Variants in SALL4 observed in about 807,000 individuals in gnomAD.
SALL4 encodes spalt like transcription factor 4.
SALL4 carries 4 observed loss-of-function variants against 60.8 expected under a neutral mutation model. That is an observed-to-expected ratio of 0.07 (90% confidence interval 0.03 to 0.15). SALL4 has a LOEUF of 0.15. Ranked by LOEUF, SALL4 falls within the 10% of genes least tolerant of loss-of-function variation. The pLI is 1.00. For synonymous variants in SALL4, 580 were observed against 574.9 expected, an observed-to-expected ratio of 1.01 and a Z score of -0.13; for missense variants, 1,178 against 1,394.7, an observed-to-expected ratio of 0.84 and a Z score of 2.48.
rs1568865869 is a variant in SALL4, at chr20:51,792,007, G to C, written c.476C>G (p.Thr159Arg). The change falls in exon 2 of 4, where the codon ACA (threonine) becomes AGA (arginine). Residue 159 changes from threonine (T) to arginine (R), a missense_variant. This residue lies in a region of SALL4 where 853 missense variants were observed against 1,036.8 expected (regional missense o/e 0.82). Transcript: ENST00000217086. ...GTCCTGGGGGGTGGGTGGCAGGGCT[G>C]TCTCTGTCTTTAGGTACACCACAGA... ...AESVVYLKTE[T>R]ALPPTPQDIS... The C allele has an allele frequency of 3.1e-6, 5 of 1,614,146 alleles. No homozygotes were observed. The highest frequency in any genetic ancestry group is 1.3e-5 in the African/African-American group (1 of 75,048).
chr20:51,795,188 A>G (rs1428451385), intron 1 of SALL4, among the ~76,000 whole-genome samples: 2 of 152,140 alleles, frequency 1.3e-5, no homozygotes, highest in African/African-American at 2.4e-5. Flanking sequence ...ACGGTGGCTC[A>G]CAAGGTCAGG....
In SALL4 at chr20:51,801,921, G is replaced by A. The variant is rs544215947; in HGVS notation, c.130+358C>T. Among the ~76,000 whole-genome samples, 1 of 80,520 alleles carries A rather than the reference G, an allele frequency of 1.2e-5. No homozygotes were observed. Among genetic ancestry groups the A allele is most frequent in the East Asian group, 6.2e-4 (1 of 1,624 alleles). The allele number at this position is 80,520 out of a possible 152,430, so 52.8% of individuals were successfully genotyped here. ...GAGGGAGGGGGACCTAAGTTACAAG[G>A]GGGGGGGGTAACACCAGTGAGGGGA... On this transcript the variant is annotated intron_variant, in intron 1 of 3. Coordinates refer to ENST00000217086, the MANE Select transcript of SALL4 (RefSeq NM_020436.5). This position sits in a 1 kb window ranked among gnomAD's most constrained non-coding sequence, Gnocchi z 5.2.
chr20:51,788,457 G>A lies in SALL4; in HGVS notation c.2742+404C>T, dbSNP rs551910447. 1.8e-4 allele frequency among the ~76,000 whole-genome samples: 27 copies of A among 152,148 alleles called. No individual in the cohort carries two copies. The highest frequency in any genetic ancestry group is 3.9e-4 in the Admixed American group (6 of 15,272). On this transcript the variant is annotated intron_variant, in intron 3 of 3. Transcript: ENST00000217086. This position sits in a 1 kb window ranked among gnomAD's most constrained non-coding sequence, Gnocchi z 4.1. ...TGTAATCCCAGCACTTTGGGAGGCC[G>A]AGGCAGGCGGATCACGAGATCAGGA...
intron 1 of SALL4, among the ~76,000 whole-genome samples, chr20:51,799,424 A>G (rs1459423962): frequency 6.6e-6 from 1 of 152,220 alleles, no homozygotes; most frequent in Non-Finnish European, 1.5e-5. Context: ...AAAAAAGGAA[A>G]TGCTAACTGC....
At position 51,792,150 on chromosome 20, in the gene SALL4, A is replaced by G; in HGVS notation, c.333T>C (p.Pro111=). The G allele has an allele frequency of 6.2e-7, 1 of 1,614,154 alleles. No individual in the cohort carries two copies. Among genetic ancestry groups the G allele is most frequent in the South Asian group, 1.1e-5 (1 of 91,082 alleles). Residue 111 remains proline (P), a synonymous_variant, in exon 2 of 4, where the codon CCT becomes CCC. Coordinates refer to ENST00000217086, the MANE Select transcript of SALL4 (RefSeq NM_020436.5). ...GTACAGCTCCGGAGAAGTCTTCTGAAGGCACAGGCCCCTCGCTGTCATTCA... is the reference window on the plus strand; with the variant it reads ...GTACAGCTCCGGAGAAGTCTTCTGAGGGCACAGGCCCCTCGCTGTCATTCA... ...LIMNDSEGPV[P]SEDFSGAVLS...
intron 1 of SALL4, among the ~76,000 whole-genome samples, chr20:51,800,934 C>G (rs554479355): frequency 2.4e-4 from 37 of 152,342 alleles, no homozygotes; most frequent in Non-Finnish European, 4.7e-4. Flanking sequence ...TACATTCAGT[C>G]TCCGACAAAA....
At chr20:51,798,875 CAAAA>C (rs890839143) in intron 1 of SALL4, among the ~76,000 whole-genome samples, 2 of 146,784 alleles carry the variant, frequency 1.4e-5, no homozygotes, top group Non-Finnish European at 3.0e-5. Context: ...CAAAACAAAA[CAAAA>C]AAAACAGTTC....
At position 51,791,733 on chromosome 20, in the gene SALL4, G is replaced by T; in HGVS notation, c.750C>A (p.Ser250Arg). 1 of 1,614,130 alleles carries T rather than the reference G, an allele frequency of 6.2e-7. No individual in the cohort carries two copies. The highest frequency in any genetic ancestry group is 8.5e-7 in the Non-Finnish European group (1 of 1,180,050). Reference sequence around the variant, plus strand: ...TCTTCAGAGTGTCGGCCCCTGCCCCGCTTGAGTGGAGGGCGTGGGAGGCCC... The same window carrying T: ...TCTTCAGAGTGTCGGCCCCTGCCCCTCTTGAGTGGAGGGCGTGGGAGGCCC... ...NMWASHALHS[S>R]GAGADTLKTL... Residue 250 changes from serine (S) to arginine (R), a missense_variant, in exon 2 of 4, where the codon AGC becomes AGA. Physicochemically the swap from Ser to Arg is moderately radical, Grantham distance 110. Around this residue, in one of 5 missense-constraint regions of SALL4, gnomAD observed 853 missense variants for 1,036.8 expected, o/e 0.82. Transcript: ENST00000217086. The surrounding 1 kb of genome is among the most constrained non-coding windows in gnomAD (Gnocchi z 4.6).
rs768952911 is a variant in SALL4 at position 51,802,289 on chromosome 20, C to G, written c.120G>C (p.Ala40=). The G allele has an allele frequency of 1.9e-6, 3 of 1,604,432 alleles. No homozygotes were observed. Among genetic ancestry groups the G allele is most frequent in the African/African-American group, 1.3e-5 (1 of 74,744 alleles). ...CCCAGCCCCACTCACCCAGCTCCCC[C>G]GCCGCGGGCGCCGCTGGGGCCGCAT... ...FADAAPAAPA[A]GELGAPVNHP... Residue 40 remains alanine, a synonymous_variant, in exon 1 of 4, where the codon GCG becomes GCC. Transcript: ENST00000217086.
Position 51,792,270 on chromosome 20 carries a change from C to A in SALL4, c.213G>T (p.Thr71=). ...ATVKRLRREE[T]HVCEKCCAEF... is the part of the protein sequence containing the mutation. ...CCGCACAGCATTTCTCACAGACGTG[C>A]GTCTCCTCCCGACGAAGCCGCTTTA... The change falls in exon 2 of 4, where the codon ACG becomes ACT. Residue 71 remains threonine, a synonymous_variant. Coordinates refer to ENST00000217086, the MANE Select transcript of SALL4 (RefSeq NM_020436.5). 9 of 1,612,908 alleles carry A rather than the reference C, an allele frequency of 5.6e-6. No homozygotes were observed. The highest frequency in any genetic ancestry group is 7.6e-6 in the Non-Finnish European group (9 of 1,180,022).
In SALL4 at chr20:51,792,798, T is replaced by C. The variant is rs567446423; in HGVS notation, c.131-446A>G. On this transcript the variant is annotated intron_variant, in intron 1 of 3. Coordinates refer to ENST00000217086, the MANE Select transcript of SALL4 (RefSeq NM_020436.5). ...CAGCCTACACATTGCAACTCCGAAC[T>C]TGGGACTGTGTTTTAGCCAGATGCT... is the stretch of plus-strand genomic sequence containing the variant. The C allele has an allele frequency of 6.6e-5, 70 of 1,057,944 alleles. No individual in the cohort carries two copies. In the African/African-American group the frequency reaches 1.1e-3, roughly 17 times the overall value. 65.5% of individuals were successfully genotyped at this position (1,057,944 alleles called of 1,614,324 possible).
At chr20:51,799,074 G>A (rs6021445) in intron 1 of SALL4, among the ~76,000 whole-genome samples, 6 of 152,160 alleles carry the variant, frequency 3.9e-5, no homozygotes, top group East Asian at 1.9e-4. Context: ...GTGTCTGGCA[G>A]GCAGCACACT....
In SALL4 at chr20:51,792,249, A is replaced by T; in HGVS notation, c.234T>A (p.Cys78Ter). The T allele has an allele frequency of 6.2e-7, 1 of 1,613,970 alleles. No homozygotes were observed. Among genetic ancestry groups the T allele is most frequent in the Non-Finnish European group, 8.5e-7 (1 of 1,180,038 alleles). ...REETHVCEKC[C>*]AEFFSISEFL... ...ACTCAGAGATGCTGAAGAACTCCGC[A>T]CAGCATTTCTCACAGACGTGCGTCT... The change falls in exon 2 of 4, where the codon TGT becomes TGA. Residue 78 changes from cysteine to a stop codon, truncating the protein, a stop_gained. Coordinates refer to ENST00000217086, the MANE Select transcript of SALL4 (RefSeq NM_020436.5). LOFTEE classifies it high-confidence loss of function.
At chr20:51,792,507 G>A (rs890942204) in intron 1 of SALL4, among the ~76,000 whole-genome samples, 155 bp from the exon 2 acceptor site, 1 of 151,784 alleles carries the variant, frequency 6.6e-6, no homozygotes, top group African/African-American at 2.4e-5. Context: ...TGGCCAACAT[G>A]GTGAGACCCT....
rs2077963925 is a variant in SALL4 at position 51,782,828 on chromosome 20, A to T, written c.*1437T>A. 6.6e-6 allele frequency: 1 copy of T among 152,114 alleles called. No individual in the cohort carries two copies. 9.4% of individuals were successfully genotyped at this position (152,114 alleles called of 1,614,324 possible). A position where few individuals can be genotyped will look rare whatever the true frequency, so the allele number is the denominator to read the frequency against. On this transcript the variant is annotated 3_prime_UTR_variant, in exon 4 of 4. Transcript: ENST00000217086. Reference sequence around the variant, plus strand: ...TGAACGTTCACCTCTTCCCACCAATACATCAACTCTTAGGCTTTAGACAGG... The same window carrying T: ...TGAACGTTCACCTCTTCCCACCAATTCATCAACTCTTAGGCTTTAGACAGG...
intron 1 of SALL4, chr20:51,792,975 G>A: frequency 1.0e-6 from 1 of 991,026 alleles, no homozygotes; most frequent in Non-Finnish European, 1.2e-6. Flanking sequence ...CAGCAGCTAA[G>A]CCTATAAATC....
intron 1 of SALL4, among the ~76,000 whole-genome samples, chr20:51,796,872 C>T (rs889978573): frequency 3.3e-5 from 5 of 152,028 alleles, no homozygotes; most frequent in Non-Finnish European, 7.4e-5. Context: ...ATATCACAAA[C>T]ATATTATATA....
At chr20:51,799,549 G>A (rs2122979479) in intron 1 of SALL4, among the ~76,000 whole-genome samples, 1 of 152,338 alleles carries the variant, frequency 6.6e-6, no homozygotes, top group South Asian at 2.1e-4. Context: ...TTCAACAAAA[G>A]GAGCTGTTTG....
rs2078023177 is a variant in SALL4 at position 51,790,048 on chromosome 20, G to A, written c.2435C>T (p.Ser812Phe). 1 of 1,614,114 alleles carries A rather than the reference G, an allele frequency of 6.2e-7. No homozygotes were observed. The highest frequency in any genetic ancestry group is 1.3e-5 in the African/African-American group (1 of 75,018). The stretch of plus-strand genomic sequence containing the variant: ...TTCCATCTCAGTGCGGCTGTTCTCG[G>A]AGCTCTCTGCTTTGCTCCCAGCATC... ...SPDAGSKAES[S>F]ENSRTEMEGR... The change falls in exon 2 of 4, where the codon TCC (serine) becomes TTC (phenylalanine). Residue 812 changes from serine (S) to phenylalanine (F), a missense_variant. Physicochemically the swap from Ser to Phe is radical, Grantham distance 155 (BLOSUM62 -2). Coordinates refer to ENST00000217086, the MANE Select transcript of SALL4 (RefSeq NM_020436.5). The surrounding 1 kb of genome is among the most constrained non-coding windows in gnomAD (Gnocchi z 5.5).
Sources: allele counts gnomAD v4.1 joint callset (sites outside exome capture counted in the v4.1 genomes callset), GRCh38; gene constraint gnomAD v4.1.1; regional missense constraint gnomAD v4.1.1; non-coding constraint Gnocchi (gnomAD v3.1); transcripts MANE v1.5; gene names NCBI Gene and HGNC (gene_info 2026-07-23, HGNC 2026-07-21).